Variants in LSP1 observed in about 807,000 individuals in gnomAD.
The protein encoded by LSP1 is lymphocyte specific protein 1.
A neutral mutation model predicts 49.3 loss-of-function variants in LSP1; 32 were observed. The observed-to-expected ratio is 0.65, with a 90% CI of 0.49 to 0.87. The LOEUF (loss-of-function observed/expected upper bound fraction) is 0.87, where lower values mean the gene tolerates loss of function less well. Ranked by LOEUF, LSP1 falls within the 40% of genes least tolerant of loss-of-function variation. The probability of loss-of-function intolerance (pLI) is 0.00; values close to 1 mark genes in which losing one functional copy is unlikely to be tolerated. For missense variants in LSP1, 428 were observed against 442.6 expected (o/e 0.97, Z 0.30); for synonymous variants, 179 against 178.8 (o/e 1.00, Z -0.01).
Position 1,860,913 on chromosome 11 carries a change from A to T in LSP1, c.53+7716A>T, listed in dbSNP as rs1847613175. Among the ~76,000 whole-genome samples, 3 of 152,282 alleles carry T rather than the reference A, an allele frequency of 2.0e-5. No individual in the cohort carries two copies. The South Asian group carries it at 6.2e-4, about 32-fold the overall frequency. On this transcript the variant is annotated intron_variant, in intron 1 of 10. Coordinates refer to ENST00000311604, the MANE Select transcript of LSP1 (RefSeq NM_002339.3). ...AATGATTGGAAAGATTAATAGAAGG[A>T]TGTCAGGAGAAGTAGACATATGGAT...
At chr11:1,882,894 C>T (rs1358354038) in intron 3 of LSP1, among the ~76,000 whole-genome samples, 1 of 152,228 alleles carries the variant, frequency 6.6e-6, no homozygotes, top group African/African-American at 2.4e-5. Context: ...AGCTGGCTGG[C>T]CTCCCCTCCC....
rs1847977355 is a variant in LSP1 at position 1,871,043 on chromosome 11, T to C, written c.54-9044T>C. On this transcript the variant is annotated intron_variant, in intron 1 of 10. Transcript: ENST00000311604. The stretch of plus-strand genomic sequence containing the variant: ...CCGAGTGGGGCTGCATGTAGACGCA[T>C]GCGAGGGTGAGAGCTGCGGCGGAGG... 1.1e-5 allele frequency: 11 copies of C among 985,400 alleles called. No individual in the cohort carries two copies. In the South Asian group the frequency reaches 3.8e-4, roughly 34 times the overall value. The allele number at this position is 985,400 out of a possible 1,614,324, so 61.0% of individuals were successfully genotyped here. A position where few individuals can be genotyped will look rare whatever the true frequency, so the allele number is the denominator to read the frequency against.
intron 3 of LSP1, among the ~76,000 whole-genome samples, chr11:1,882,871 G>A (rs866030738): frequency 6.6e-6 from 1 of 152,160 alleles, no homozygotes; most frequent in African/African-American, 2.4e-5. Flanking sequence ...ATGCAGAGCC[G>A]CTCAAAGCTG....
rs768192361 is a variant in LSP1 at position 1,853,104 on chromosome 11, A to G, written c.-41A>G. The G allele has an allele frequency of 3.8e-6, 6 of 1,595,208 alleles. No individual in the cohort carries two copies. In the Admixed American group the frequency reaches 9.0e-5, roughly 24 times the overall value. On this transcript the variant is annotated 5_prime_UTR_variant, in exon 1 of 11. Coordinates refer to ENST00000311604, the MANE Select transcript of LSP1 (RefSeq NM_002339.3). ...AAGCCACAGCACGTACACCCACTCC[A>G]GGGATCTGCCAGCACCCTGTGGGGC...
At position 1,884,442 on chromosome 11, in the gene LSP1, G is replaced by A. The variant is rs1848672071; in HGVS notation, c.636-58G>A. The A allele has an allele frequency of 6.2e-7, 1 of 1,602,070 alleles. No homozygotes were observed. The highest frequency in any genetic ancestry group is 8.6e-7 in the Non-Finnish European group (1 of 1,169,110). On this transcript the variant is annotated intron_variant, in intron 6 of 10. Coordinates refer to ENST00000311604, the MANE Select transcript of LSP1 (RefSeq NM_002339.3). This position sits in a 1 kb window ranked among gnomAD's most constrained non-coding sequence, Gnocchi z 4.1. ...GAGGGGGGCTCTGGGAGAGGCTTGGGCAGGTTGGGAGAAGCCTTGTGGGAG... is the reference window on the plus strand; with the variant it reads ...GAGGGGGGCTCTGGGAGAGGCTTGGACAGGTTGGGAGAAGCCTTGTGGGAG...
At chr11:1,885,799 T>C (rs1848727376) in intron 7 of LSP1, among the ~76,000 whole-genome samples, 1 of 151,870 alleles carries the variant, frequency 6.6e-6, no homozygotes, top group Admixed American at 6.6e-5. Flanking sequence ...TGCTCTTCTA[T>C]GCAATTAATG....
chr11:1,866,700 C>A, intron 1 of LSP1: 1 of 1,550,594 alleles, frequency 6.4e-7, no homozygotes, highest in Non-Finnish European at 8.7e-7. Context: ...TGCTGTCCAC[C>A]AGGAGCTCTG....
intron 1 of LSP1, among the ~76,000 whole-genome samples, chr11:1,860,187 G>A (rs1407103631): frequency 1.3e-5 from 2 of 152,196 alleles, no homozygotes; most frequent in African/African-American, 2.4e-5. Context: ...ATCAATTATG[G>A]AGAACAGTAT....
intron 1 of LSP1, among the ~76,000 whole-genome samples, chr11:1,878,390 G>C (rs1848399166): frequency 6.6e-6 from 1 of 152,238 alleles, no homozygotes; most frequent in African/African-American, 2.4e-5. Context: ...CCGGATGATG[G>C]GAGCCAGGTG....
chr11:1,869,512 G>A, intron 1 of LSP1: 1 of 405,130 alleles, frequency 2.5e-6, no homozygotes, highest in South Asian at 1.8e-5. Flanking sequence ...GGGCTGAGGT[G>A]CGAATGGAAG....
At chr11:1,890,474 A>G in intron 10 of LSP1, 1 of 717,208 alleles carries the variant, frequency 1.4e-6, no homozygotes. Flanking sequence ...GCTTCTGCAA[A>G]CGCAAGTTGT....
chr11:1,881,433 C>T lies in LSP1; in HGVS notation c.193C>T (p.Leu65Phe). ...VPERPKQEML[L>F]SLKPSEAPEL... ...TAAGCTCCCCCCTGCTACCCTCAGC[C>T]TCAGCCTGAAGCCCTCGGAGGCCCC... The change falls in exon 3 of 11, where the codon CTC (leucine) becomes TTC (phenylalanine). Residue 65 changes from leucine to phenylalanine, a missense_variant and splice_region_variant. Transcript: ENST00000311604. The T allele has an allele frequency of 6.4e-7, 1 of 1,568,408 alleles. No individual in the cohort carries two copies. Among genetic ancestry groups the T allele is most frequent in the Non-Finnish European group, 8.6e-7 (1 of 1,156,088 alleles).
Position 1,876,756 on chromosome 11 carries a change from C to T in LSP1, c.54-3331C>T, listed in dbSNP as rs897812203. 21 of 576,320 alleles carry T rather than the reference C, an allele frequency of 3.6e-5. No homozygotes were observed. The Admixed American group carries it at 3.8e-4, about 10-fold the overall frequency. The allele number at this position is 576,320 out of a possible 1,614,324, so 35.7% of individuals were successfully genotyped here. ...GTGGAGGAAGGAGAAGAAGGGCCAGCGTCCCGAGTCGGGGGGTGCTTGGCA... is the reference window on the plus strand; with the variant it reads ...GTGGAGGAAGGAGAAGAAGGGCCAGTGTCCCGAGTCGGGGGGTGCTTGGCA... On this transcript the variant is annotated intron_variant, in intron 1 of 10. Transcript: ENST00000311604.
chr11:1,856,539 G>A (rs1160291715), intron 1 of LSP1, among the ~76,000 whole-genome samples: 4 of 152,256 alleles, frequency 2.6e-5, no homozygotes, highest in African/African-American at 4.8e-5. Flanking sequence ...CTGGCCCATC[G>A]GAGCCTCCCT....
At chr11:1,856,461 C>T (rs897407648) in intron 1 of LSP1, among the ~76,000 whole-genome samples, 2 of 152,234 alleles carry the variant, frequency 1.3e-5, no homozygotes, top group Non-Finnish European at 2.9e-5. Context: ...GCCCAGCCCG[C>T]GGTGGGAGGC....
Position 1,870,325 on chromosome 11 carries a change from C to G in LSP1, c.54-9762C>G, listed in dbSNP as rs1422435210. 3 of 1,291,900 alleles carry G rather than the reference C, an allele frequency of 2.3e-6. No homozygotes were observed. The African/African-American group carries it at 4.6e-5, about 20-fold the overall frequency. The allele number at this position is 1,291,900 out of a possible 1,614,324, so 80.0% of individuals were successfully genotyped here. ...CCATCCTGGGGCTTGGCAGGGGGTGCCCGCAGCACCCGGGGACATACACCG... is the reference window on the plus strand; with the variant it reads ...CCATCCTGGGGCTTGGCAGGGGGTGGCCGCAGCACCCGGGGACATACACCG... On this transcript the variant is annotated intron_variant, in intron 1 of 10. Coordinates refer to ENST00000311604, the MANE Select transcript of LSP1 (RefSeq NM_002339.3).
chr11:1,887,141 G>A, intron 8 of LSP1, 96 bp from the exon 9 acceptor site: 1 of 1,208,356 alleles, frequency 8.3e-7, no homozygotes, highest in Non-Finnish European at 1.2e-6. Flanking sequence ...CAGGCCCCCT[G>A]GCCAGGTAAG....
intron 1 of LSP1, chr11:1,869,373 G>A (rs766012545): frequency 9.6e-6 from 3 of 311,590 alleles, no homozygotes; most frequent in Admixed American, 4.2e-5. Context: ...GCGAAGGCAC[G>A]AGAAAGAAAT....
intron 1 of LSP1, among the ~76,000 whole-genome samples, chr11:1,872,976 G>C (rs1223097828): frequency 6.6e-6 from 1 of 152,046 alleles, no homozygotes. Flanking sequence ...AGCGGTGGGG[G>C]GTGGGGGTAT....
Sources: gnomAD v4.1 joint callset for allele counts (sites outside exome capture counted in the v4.1 genomes callset) on GRCh38, gnomAD v4.1.1 for gene constraint, Gnocchi (gnomAD v3.1) non-coding constraint, MANE v1.5 for transcripts, NCBI Gene and HGNC (gene_info 2026-07-23, HGNC 2026-07-21) for gene names.